DTNB: variants seen among roughly 807,000 people sequenced by gnomAD.
The protein encoded by DTNB is DTN-B.
DTNB carries 63 observed loss-of-function variants against 90.7 expected under a neutral mutation model. The observed-to-expected ratio is 0.69, with a 90% CI of 0.57 to 0.86. The LOEUF (loss-of-function observed/expected upper bound fraction) is 0.86, where lower values mean the gene tolerates loss of function less well. Among genes scored for constraint, DTNB ranks in the 40% least tolerant of loss-of-function variants. DTNB has a pLI of 0.00. For synonymous variants in DTNB, 277 were observed against 286.7 expected (o/e 0.97, Z 0.34); for missense variants, 744 against 807.1 (o/e 0.92, Z 0.95).
At chr2:25,432,210 C>T (rs2054101738) in intron 14 of DTNB, among the ~76,000 whole-genome samples, 2 of 102,638 alleles carry the variant, frequency 1.9e-5, no homozygotes, top group East Asian at 2.0e-3. Context: ...AGTGCGTACA[C>T]ACACACACAC....
At chr2:25,531,877 C>G (rs2078273663) in intron 8 of DTNB, among the ~76,000 whole-genome samples, 1 of 152,164 alleles carries the variant, frequency 6.6e-6, no homozygotes, top group South Asian at 2.1e-4. Flanking sequence ...GTACTCTTGG[C>G]AAGAACTCCC....
Position 25,628,386 on chromosome 2 carries a change from T to C in DTNB, c.149-2A>G, listed in dbSNP as rs772658069. On this transcript the variant is annotated splice_acceptor_variant, in intron 3 of 20. Transcript: ENST00000406818. LOFTEE classifies it high-confidence loss of function. ...TGTTCCAGATATCAACAAGATGAAC[T>C]AAAAGACAAAGAAAATAAACTGTCA... The C allele has an allele frequency of 1.2e-6, 2 of 1,610,952 alleles. No individual in the cohort carries two copies. The highest frequency in any genetic ancestry group is 2.7e-5 in the African/African-American group (2 of 74,834).
intron 11 of DTNB, among the ~76,000 whole-genome samples, chr2:25,453,767 C>T (rs2059609557): frequency 6.6e-6 from 1 of 152,058 alleles, no homozygotes; most frequent in African/African-American, 2.4e-5. Context: ...GATGAGGAGA[C>T]ACTCTGTGAT....
chr2:25,654,093 A>G (rs1480124072), intron 1 of DTNB, among the ~76,000 whole-genome samples: 1 of 152,240 alleles, frequency 6.6e-6, no homozygotes, highest in Non-Finnish European at 1.5e-5. Flanking sequence ...AAAGTTCAAA[A>G]AAGACAAATT....
At chr2:25,612,022 G>C (rs1254550420) in intron 4 of DTNB, among the ~76,000 whole-genome samples, 1 of 152,110 alleles carries the variant, frequency 6.6e-6, no homozygotes, top group Non-Finnish European at 1.5e-5. Flanking sequence ...AGAAATAAAG[G>C]GGGTAGAAAA....
intron 2 of DTNB, 80 bp from the exon 3 acceptor site, chr2:25,639,174 T>C (rs903756447): frequency 7.2e-6 from 10 of 1,384,020 alleles, no homozygotes; most frequent in South Asian, 1.4e-5. Context: ...CATTCTATTG[T>C]ATTGTCATAG....
chr2:25,515,983 T>C (rs2075040599), intron 9 of DTNB, among the ~76,000 whole-genome samples: 1 of 152,222 alleles, frequency 6.6e-6, no homozygotes, highest in African/African-American at 2.4e-5. Context: ...ATAAAAAGTT[T>C]ATGTAAATAT....
chr2:25,569,927 T>C (rs2151278976), intron 8 of DTNB, among the ~76,000 whole-genome samples: 1 of 151,848 alleles, frequency 6.6e-6, no homozygotes, highest in South Asian at 2.1e-4. Context: ...TGAAACCCTG[T>C]CTCTACTAAA....
At chr2:25,436,487 T>C (rs533154549) in intron 12 of DTNB, among the ~76,000 whole-genome samples, 5 of 152,316 alleles carry the variant, frequency 3.3e-5, no homozygotes, top group Admixed American at 3.3e-4. Flanking sequence ...TGAAACATGT[T>C]GTACCATGAA....
chr2:25,656,794 A>G (rs968510455), intron 1 of DTNB, among the ~76,000 whole-genome samples: 4 of 152,174 alleles, frequency 2.6e-5, no homozygotes, highest in Non-Finnish European at 5.9e-5. Context: ...CATTTCACCC[A>G]ATTTAAAGAA....
chr2:25,432,236 CA>C (rs1574359552), intron 14 of DTNB, among the ~76,000 whole-genome samples: 1 of 151,736 alleles, frequency 6.6e-6, no homozygotes, highest in Non-Finnish European at 1.5e-5. Context: ...CACACACACA[CA>C]CACACACCCC....
intron 8 of DTNB, among the ~76,000 whole-genome samples, chr2:25,575,747 G>A (rs1347702994): frequency 1.3e-5 from 2 of 152,138 alleles, no homozygotes; most frequent in African/African-American, 2.4e-5. Context: ...CCTAGATCCT[G>A]AATTATACTT....
At chr2:25,398,807 T>C (rs1573846032) in intron 16 of DTNB, among the ~76,000 whole-genome samples, 1 of 152,250 alleles carries the variant, frequency 6.6e-6, no homozygotes, top group Admixed American at 6.5e-5. Flanking sequence ...GATGAGACAA[T>C]GTCTTTCTGA....
chr2:25,609,261 G>A (rs2067864428), intron 4 of DTNB, among the ~76,000 whole-genome samples: 1 of 152,196 alleles, frequency 6.6e-6, no homozygotes, highest in South Asian at 2.1e-4. Context: ...CCACAAAGAT[G>A]AAGCAACAAA....
chr2:25,444,949 C>G (rs1270119540), intron 12 of DTNB, among the ~76,000 whole-genome samples: 1 of 151,976 alleles, frequency 6.6e-6, no homozygotes, highest in African/African-American at 2.4e-5. Context: ...CAAAATAAAC[C>G]CAAGATGAAA....
intron 8 of DTNB, chr2:25,558,482 C>T (rs2057729984): frequency 1.1e-6 from 1 of 887,118 alleles, no homozygotes; most frequent in Non-Finnish European, 1.4e-6. Context: ...GGAAATTGCT[C>T]ATTTGAAGAA....
At chr2:25,528,330 GCAT>G (rs1205245293) in intron 9 of DTNB, among the ~76,000 whole-genome samples, 1 of 152,150 alleles carries the variant, frequency 6.6e-6, no homozygotes, top group Non-Finnish European at 1.5e-5. Context: ...AATGCTGAAA[GCAT>G]TCTCTGTGGG....
At position 25,646,029 on chromosome 2, in the gene DTNB, G is replaced by GC. The variant is rs746144409; in HGVS notation, c.67+6564dup. On this transcript the variant is annotated intron_variant, in intron 2 of 20. Transcript: ENST00000406818. ...AATGTAAACCAAAAATAACTCTAAGGCCCCCCAACCATCTGAATGGACTTC... is the reference window on the plus strand; with the variant it reads ...AATGTAAACCAAAAATAACTCTAAGGCCCCCCCAACCATCTGAATGGACTTC... Among the ~76,000 whole-genome samples, 4 of 151,996 alleles carry GC rather than the reference G, an allele frequency of 2.6e-5. No individual in the cohort carries two copies. In the East Asian group the frequency reaches 5.8e-4, roughly 22 times the overall value.
intron 8 of DTNB, among the ~76,000 whole-genome samples, chr2:25,553,104 C>T (rs2056653496): frequency 6.6e-6 from 1 of 151,764 alleles, no homozygotes; most frequent in Admixed American, 6.6e-5. Context: ...TCATGATCCA[C>T]CCGCCTCGGC....
Sources: allele counts gnomAD v4.1 joint callset (sites outside exome capture counted in the v4.1 genomes callset), GRCh38; gene constraint gnomAD v4.1.1; transcripts MANE v1.5; gene names NCBI Gene and HGNC (gene_info 2026-07-23, HGNC 2026-07-21).